Variants in LNX1 observed in about 807,000 individuals in gnomAD.
LNX1 encodes E3 ubiquitin-protein ligase LNX.
A neutral mutation model predicts 68.4 loss-of-function variants in LNX1; 54 were observed. The ratio of observed to expected loss-of-function variants is 0.79; its 90% CI spans 0.63 to 0.99. LNX1 has a LOEUF of 0.99. Among genes scored for constraint, LNX1 ranks in the 50% least tolerant of loss-of-function variants. The pLI is 0.00. For missense variants in LNX1, 906 were observed against 926.4 expected (o/e 0.98, Z 0.29); for synonymous variants, 336 against 350.0 (o/e 0.96, Z 0.45).
At chr4:53,587,395 G>A (rs576307537) in intron 1 of LNX1, among the ~76,000 whole-genome samples, 1 of 152,324 alleles carries the variant, frequency 6.6e-6, no homozygotes, top group Non-Finnish European at 1.5e-5. Context: ...CAGTGACACA[G>A]TCTTCCTTCC....
At chr4:53,502,743 T>A (rs1320130001) in intron 4 of LNX1, among the ~76,000 whole-genome samples, 1 of 152,250 alleles carries the variant, frequency 6.6e-6, no homozygotes, top group Non-Finnish European at 1.5e-5. Context: ...GTCAATCCTC[T>A]ACTAACCTTG....
chr4:53,575,978 T>C (rs866879495), intron 1 of LNX1: 4 of 1,559,968 alleles, frequency 2.6e-6, no homozygotes, highest in Non-Finnish European at 3.5e-6. Flanking sequence ...CTGGCAGGCA[T>C]GCACACGCTG....
At chr4:53,487,610 G>T (rs1269445647) in intron 6 of LNX1, among the ~76,000 whole-genome samples, 6 of 152,148 alleles carry the variant, frequency 3.9e-5, no homozygotes, top group Non-Finnish European at 8.8e-5. Context: ...GTTGTTCAAA[G>T]TAGGCAGACC....
chr4:53,550,277 C>G (rs1729411428), intron 2 of LNX1, among the ~76,000 whole-genome samples: 1 of 152,116 alleles, frequency 6.6e-6, no homozygotes, highest in Non-Finnish European at 1.5e-5. Context: ...GTCATTGAGC[C>G]CAAATGGGCC....
At chr4:53,603,740 T>G (rs1024195756) in intron 2 of LNX1, 2 of 152,174 alleles carry the variant, frequency 1.3e-5, no homozygotes, top group Non-Finnish European at 2.9e-5. Flanking sequence ...AAATCATTCA[T>G]GAGAAATCTG....
chr4:53,636,592 C>A (rs2109879147), intron 1 of LNX1, among the ~76,000 whole-genome samples: 1 of 152,204 alleles, frequency 6.6e-6, no homozygotes, highest in African/African-American at 2.4e-5. Flanking sequence ...AACAGTTATA[C>A]AAAATGACCA....
chr4:53,582,719 T>G (rs1731913616), intron 1 of LNX1, among the ~76,000 whole-genome samples: 1 of 151,668 alleles, frequency 6.6e-6, no homozygotes, highest in African/African-American at 2.4e-5. Context: ...GTTTTTTTGT[T>G]TTTTTTTTAA....
At chr4:53,529,034 A>G (rs558675823) in intron 2 of LNX1, among the ~76,000 whole-genome samples, 1 of 151,154 alleles carries the variant, frequency 6.6e-6, no homozygotes, top group Non-Finnish European at 1.5e-5. Flanking sequence ...GGGTGTCTGG[A>G]GTTTTCAGTT....
intron 2 of LNX1, among the ~76,000 whole-genome samples, chr4:53,538,555 A>G (rs1489279931): frequency 6.6e-6 from 1 of 152,226 alleles, no homozygotes; most frequent in Non-Finnish European, 1.5e-5. Context: ...AATAAGCCCT[A>G]CAATAGGAAA....
intron 2 of LNX1, among the ~76,000 whole-genome samples, chr4:53,511,149 TG>T (rs1430935673): frequency 6.6e-6 from 1 of 152,212 alleles, no homozygotes; most frequent in Non-Finnish European, 1.5e-5. Flanking sequence ...ACGTGCTTTG[TG>T]TAATAAAGGT....
chr4:53,552,047 C>T (rs1235122163), intron 2 of LNX1, among the ~76,000 whole-genome samples: 2 of 152,160 alleles, frequency 1.3e-5, no homozygotes, highest in Non-Finnish European at 2.9e-5. Flanking sequence ...AATTTTCTCT[C>T]CAGATTCTAT....
At chr4:53,645,237 C>T (rs977550880) in intron 1 of LNX1, among the ~76,000 whole-genome samples, 3 of 152,160 alleles carry the variant, frequency 2.0e-5, no homozygotes, top group African/African-American at 4.8e-5. Flanking sequence ...AGGGAACTCT[C>T]GGGAGGCTGG....
At chr4:53,632,111 G>C (rs1734301074) in intron 1 of LNX1, among the ~76,000 whole-genome samples, 1 of 151,988 alleles carries the variant, frequency 6.6e-6, no homozygotes, top group Non-Finnish European at 1.5e-5. Flanking sequence ...TGGTACCAAG[G>C]GCAGACCTAG....
intron 1 of LNX1, among the ~76,000 whole-genome samples, chr4:53,590,008 C>T (rs569258287): frequency 6.6e-6 from 1 of 152,280 alleles, no homozygotes; most frequent in African/African-American, 2.4e-5. Flanking sequence ...GGTTTAGATG[C>T]ACTTTTATCA....
At chr4:53,590,476 A>T (rs546419677) in intron 1 of LNX1, among the ~76,000 whole-genome samples, 6 of 150,438 alleles carry the variant, frequency 4.0e-5, no homozygotes, top group Non-Finnish European at 7.4e-5. Context: ...TTCTCTGACA[A>T]CAATATTGGC....
intron 2 of LNX1, among the ~76,000 whole-genome samples, chr4:53,527,061 A>AC (rs1727665528): frequency 1.3e-5 from 2 of 151,350 alleles, no homozygotes; most frequent in South Asian, 2.1e-4. Flanking sequence ...TAAAAAAAAA[A>AC]AAAAAAAAAA....
rs146964647 is a variant in LNX1, at chr4:53,575,690, C to T, written c.-86-1602G>A. 1.7e-3 allele frequency: 2,434 copies of T among 1,392,838 alleles called. 40 individuals carry two copies. In the African/African-American group the frequency reaches 0.031, roughly 18 times the overall value. The allele number at this position is 1,392,838 out of a possible 1,614,324, so 86.3% of individuals were successfully genotyped here. A position where few individuals can be genotyped will look rare whatever the true frequency, so the allele number is the denominator to read the frequency against. On this transcript the variant is annotated intron_variant, in intron 1 of 10. Transcript: ENST00000263925. ...ATCTGGGACCCACCCCCTGGGCTGGCTAATCAAGGAGGAAGCAGCAGCAGT... is the reference window on the plus strand; with the variant it reads ...ATCTGGGACCCACCCCCTGGGCTGGTTAATCAAGGAGGAAGCAGCAGCAGT...
chr4:53,521,317 G>A (rs1053038271), intron 2 of LNX1, among the ~76,000 whole-genome samples: 4 of 152,126 alleles, frequency 2.6e-5, no homozygotes, highest in African/African-American at 9.7e-5. Context: ...GAGGTGTGGG[G>A]GAAGGTGAAA....
chr4:53,487,667 C>G (rs1724400997), intron 6 of LNX1, among the ~76,000 whole-genome samples: 1 of 152,142 alleles, frequency 6.6e-6, no homozygotes, highest in Admixed American at 6.5e-5. Flanking sequence ...ACAGGAGACT[C>G]ATGCTTGATT....
Sources: gnomAD v4.1 joint callset for allele counts (sites outside exome capture counted in the v4.1 genomes callset) on GRCh38, gnomAD v4.1.1 for gene constraint, MANE v1.5 for transcripts, NCBI Gene and HGNC (gene_info 2026-07-23, HGNC 2026-07-21) for gene names.